STK26: variants seen among roughly 807,000 people sequenced by gnomAD.
STK26 encodes serine/threonine-protein kinase 26.
STK26 carries 14 observed loss-of-function variants against 34.7 expected under a neutral mutation model. The observed-to-expected ratio is 0.40, with a 90% CI of 0.27 to 0.63. The LOEUF (loss-of-function observed/expected upper bound fraction) is 0.63. Ranked by LOEUF, STK26 falls within the 30% of genes least tolerant of loss-of-function variation. STK26 has a pLI of 0.38. For synonymous variants in STK26, 100 were observed against 109.8 expected, an observed-to-expected ratio of 0.91 and a Z score of 0.56; for missense variants, 226 against 309.1, an observed-to-expected ratio of 0.73 and a Z score of 2.02.
chrX:132,049,519 C>T (rs967673025), intron 2 of STK26, among the ~76,000 whole-genome samples: 1 of 111,697 alleles, frequency 9.0e-6, no homozygotes, highest in Non-Finnish European at 1.9e-5. Context: ...AAAAACATTT[C>T]GTCTCTAGCC....
At chrX:132,044,505 A>G (rs1354513883) in intron 2 of STK26, among the ~76,000 whole-genome samples, 1 of 107,668 alleles carries the variant, frequency 9.3e-6, no homozygotes, top group Non-Finnish European at 1.9e-5. Flanking sequence ...TCATTTCCTA[A>G]TGGATCACTG....
At position 132,054,923 on chromosome X, in the gene STK26, AT is replaced by A. The variant is rs1424148218; in HGVS notation, c.273+69del. 1.7e-4 allele frequency: 170 copies of A among 992,498 alleles called. 1 individual carries two copies. Among genetic ancestry groups the A allele is most frequent in the South Asian group, 2.4e-5 (1 of 41,492 alleles). The allele number at this position is 992,498 out of a possible 1,213,427, so 81.8% of individuals were successfully genotyped here. A position where few individuals can be genotyped will look rare whatever the true frequency, so the allele number is the denominator to read the frequency against. On this transcript the variant is annotated intron_variant, in intron 3 of 11. Transcript: ENST00000394334. ...TTTTCATTAGAAGTTTTTTAATTCT[AT>A]TTTTTTGAAAGGCAATGTCTTAAAT...
At chrX:132,031,342 C>A (rs1925831271) in intron 2 of STK26, among the ~76,000 whole-genome samples, 1 of 111,817 alleles carries the variant, frequency 8.9e-6, no homozygotes, top group African/African-American at 3.3e-5. Context: ...TGTGAACATT[C>A]CAAATCCTCC....
At chrX:132,052,492 A>G (rs774096049) in intron 2 of STK26, among the ~76,000 whole-genome samples, 2 of 112,320 alleles carry the variant, frequency 1.8e-5, no homozygotes, top group African/African-American at 3.2e-5. Context: ...CTAACTTGCT[A>G]TTCCTCAATT....
chrX:132,034,111 C>T (rs866745085), intron 2 of STK26, among the ~76,000 whole-genome samples: 1 of 94,867 alleles, frequency 1.1e-5, no homozygotes, highest in Non-Finnish European at 2.1e-5. Context: ...ATAATAAATA[C>T]ATATATATAT....
chrX:132,060,741 G>A (rs149907900), intron 3 of STK26, among the ~76,000 whole-genome samples: 16,212 of 107,671 alleles, frequency 0.15, 1,109 homozygotes, highest in Non-Finnish European at 0.21. Context: ...TCAGCCTCCC[G>A]AGTAGCTGGG....
At chrX:132,046,902 A>T (rs1926515735) in intron 2 of STK26, among the ~76,000 whole-genome samples, 2 of 112,479 alleles carry the variant, frequency 1.8e-5, no homozygotes, top group Admixed American at 9.4e-5. Flanking sequence ...AAGGCAAGTT[A>T]TAATAAACTT....
chrX:132,053,223 T>C (rs1225381274), intron 2 of STK26, among the ~76,000 whole-genome samples: 7 of 111,893 alleles, frequency 6.3e-5, no homozygotes, highest in Non-Finnish European at 1.3e-4. Context: ...GATACACAAG[T>C]AGCTTGCAGT....
intron 2 of STK26, among the ~76,000 whole-genome samples, chrX:132,037,638 C>G (rs1435660738): frequency 2.7e-5 from 3 of 110,420 alleles, no homozygotes; most frequent in Non-Finnish European, 5.7e-5. Context: ...TCATCATTGT[C>G]TAAGCTCTTA....
At chrX:132,027,791 A>G (rs1935132189) in intron 2 of STK26, among the ~76,000 whole-genome samples, 1 of 111,605 alleles carries the variant, frequency 9.0e-6, no homozygotes, top group African/African-American at 3.3e-5. Flanking sequence ...TCAAAATTGG[A>G]TGAATGAATC....
intron 2 of STK26, among the ~76,000 whole-genome samples, chrX:132,049,459 A>G (rs991069419): frequency 8.9e-6 from 1 of 112,459 alleles, no homozygotes; most frequent in African/African-American, 3.2e-5. Context: ...ATTTATATGC[A>G]TTCTGCTTCT....
rs746451882 is a variant in STK26 at position 132,072,828 on chromosome X, C to A, written c.1042C>A (p.Gln348Lys). Residue 348 changes from glutamine to lysine, a missense_variant, in exon 10 of 12, where the codon CAA (glutamine) becomes AAA (lysine). Gln to Lys is a moderately conservative substitution (Grantham distance 53). Around this residue, in one of 2 missense-constraint regions of STK26, gnomAD observed 126 missense variants for 132.4 expected, o/e 0.95. Transcript: ENST00000394334. Reference sequence around the variant, plus strand: ...TTGTTCAAAGGAGCAAGATCTTGTGCAAACCCTGAGTTGTTTGTCTATGAT... The same window carrying A: ...TTGTTCAAAGGAGCAAGATCTTGTGAAAACCCTGAGTTGTTTGTCTATGAT... ...VQNGAEQDLV[Q>K]TLSCLSMIIT... 81 of 1,208,989 alleles carry A rather than the reference C, an allele frequency of 6.7e-5. No homozygotes were observed. Among genetic ancestry groups the A allele is most frequent in the Admixed American group, 1.1e-4 (5 of 45,748 alleles).
At chrX:132,036,488 A>G (rs943487190) in intron 2 of STK26, among the ~76,000 whole-genome samples, 1 of 111,531 alleles carries the variant, frequency 9.0e-6, no homozygotes, top group East Asian at 2.8e-4. Flanking sequence ...CCAGCTGCTC[A>G]TGAGGCTGAG....
At chrX:132,068,831 C>T (rs372875618) in intron 6 of STK26, among the ~76,000 whole-genome samples, 2 of 111,148 alleles carry the variant, frequency 1.8e-5, no homozygotes, top group East Asian at 5.7e-4. Flanking sequence ...ACAATCTGGC[C>T]ATTATCTGCC....
rs183906123 is a variant in STK26, at chrX:132,031,925, C to G, written c.42+8266C>G. 4.5e-5 allele frequency among the ~76,000 whole-genome samples: 5 copies of G among 111,903 alleles called. No homozygotes were observed. In the East Asian group the frequency reaches 1.4e-3, roughly 31 times the overall value. On this transcript the variant is annotated intron_variant, in intron 2 of 11. Coordinates refer to ENST00000394334, the MANE Select transcript of STK26 (RefSeq NM_016542.4). ...GCACATTGACAGCCAACTCTACCCA[C>G]GATCCCCTTTGTTGTCCCTCCCTAA...
rs1408267839 is a variant in STK26 at position 132,074,766 on chromosome X, G to A, written c.*607G>A. Reference sequence around the variant, plus strand: ...AGACCCTGTGTTTGAAGCATTTACAGGCAATGTACAGCAACAGAGGTACCT... The same window carrying A: ...AGACCCTGTGTTTGAAGCATTTACAAGCAATGTACAGCAACAGAGGTACCT... On this transcript the variant is annotated 3_prime_UTR_variant, in exon 12 of 12. Coordinates refer to ENST00000394334, the MANE Select transcript of STK26 (RefSeq NM_016542.4). The A allele has an allele frequency of 9.0e-6, 1 of 111,213 alleles. No homozygotes were observed. The allele number at this position is 111,213 out of a possible 1,213,427, so 9.2% of individuals were successfully genotyped here. A position where few individuals can be genotyped will look rare whatever the true frequency, so the allele number is the denominator to read the frequency against.
intron 2 of STK26, among the ~76,000 whole-genome samples, chrX:132,029,369 G>C (rs920200448): frequency 9.8e-5 from 11 of 111,822 alleles, no homozygotes; most frequent in Non-Finnish European, 1.9e-4. Context: ...CTCAATGAGA[G>C]GTTATTAGGA....
At chrX:132,027,382 C>T (rs1011133830) in intron 2 of STK26, among the ~76,000 whole-genome samples, 2 of 112,152 alleles carry the variant, frequency 1.8e-5, no homozygotes, top group Admixed American at 1.9e-4. Context: ...GTTGTGAACA[C>T]GTTTAAGGTA....
intron 3 of STK26, among the ~76,000 whole-genome samples, chrX:132,057,110 G>A (rs17879773): frequency 0.09 from 10,148 of 112,155 alleles, 498 homozygotes; most frequent in Middle Eastern, 0.16. Flanking sequence ...CGCAGAATCT[G>A]GGTCTGGAGT....
Sources: allele counts gnomAD v4.1 joint callset (sites outside exome capture counted in the v4.1 genomes callset), GRCh38; gene constraint gnomAD v4.1.1; regional missense constraint gnomAD v4.1.1; transcripts MANE v1.5; gene names NCBI Gene and HGNC (gene_info 2026-07-23, HGNC 2026-07-21).